Variants in ADAMTS20 observed in about 807,000 individuals in gnomAD.
ADAMTS20 encodes the protein ADAM metallopeptidase with thrombospondin type 1 motif 20.
A neutral mutation model predicts 260.1 loss-of-function variants in ADAMTS20; 225 were observed. The observed-to-expected ratio is 0.87, with a 90% CI of 0.78 to 0.97. The LOEUF is 0.97. Among genes scored for constraint, ADAMTS20 ranks in the 50% least tolerant of loss-of-function variants. The probability of loss-of-function intolerance (pLI) is 0.00; values close to 1 mark genes in which losing one functional copy is unlikely to be tolerated. For synonymous variants in ADAMTS20, 802 were observed against 769.5 expected (o/e 1.04, Z -0.70); for missense variants, 2,400 against 2,337.7 (o/e 1.03, Z -0.55).
rs1172382872 is a variant in ADAMTS20 at position 43,551,863 on chromosome 12, C to T, written c.59G>A (p.Arg20Lys). 6.2e-7 allele frequency: 1 copy of T among 1,613,632 alleles called. No individual in the cohort carries two copies. Among genetic ancestry groups the T allele is most frequent in the East Asian group, 2.2e-5 (1 of 44,864 alleles). Residue 20 changes from arginine (R) to lysine (K), a missense_variant, in exon 1 of 39, where the codon AGG (arginine) becomes AAG (lysine). Coordinates refer to ENST00000389420, the MANE Select transcript of ADAMTS20 (RefSeq NM_025003.5). This position sits in a 1 kb window ranked among gnomAD's most constrained non-coding sequence, Gnocchi z 4.6. ...GGGGTGGAAGTCAACTTCCCAAGAC[C>T]TGGTGATGAAGAGCGAGAGATGGTA... ...LLYHLSLFIT[R>K]SWEVDFHPRQ...
intron 15 of ADAMTS20, among the ~76,000 whole-genome samples, chr12:43,444,191 A>ACC (rs1428893385): frequency 1.3e-5 from 2 of 152,156 alleles, no homozygotes; most frequent in African/African-American, 4.8e-5. Context: ...CCCTTAGTAC[A>ACC]CATACCCATT....
chr12:43,369,293 T>A lies in ADAMTS20; in HGVS notation c.5535A>T (p.Pro1845=). The A allele has an allele frequency of 6.6e-7, 1 of 1,508,502 alleles. No homozygotes were observed. Among genetic ancestry groups the A allele is most frequent in the South Asian group, 1.4e-5 (1 of 72,208 alleles). The allele number at this position is 1,508,502 out of a possible 1,614,324, so 93.4% of individuals were successfully genotyped here. A position where few individuals can be genotyped will look rare whatever the true frequency, so the allele number is the denominator to read the frequency against. ...AGDCYSAFRC[P]QGQFSINLSG... ...TAATCAAACAAATATGAAATACCTG[T>A]GGGCATCTGAAAGCACTGTAGCAAT... is the stretch of plus-strand genomic sequence containing the variant. The change falls in exon 37 of 39, where the codon CCA becomes CCT. Residue 1845 remains proline (P), a synonymous_variant. Transcript: ENST00000389420.
rs141879117 is a variant in ADAMTS20, at chr12:43,453,922, C to A, written c.1745G>T (p.Arg582Leu). The change falls in exon 12 of 39, where the codon CGC becomes CTC. Residue 582 changes from arginine to leucine, a missense_variant. Physicochemically the swap from Arg to Leu is moderately radical, Grantham distance 102 (BLOSUM62 -2). Transcript: ENST00000389420. ...CGGGIESATR[R>L]CNRPEPRNGG... is the part of the protein sequence containing the mutation. ...AAAGACATACTCAGGACGATTACAGCGCCTGGTTGCACTTTCGATTCCGCC... is the reference window on the plus strand; with the variant it reads ...AAAGACATACTCAGGACGATTACAGAGCCTGGTTGCACTTTCGATTCCGCC... 3 of 1,605,538 alleles carry A rather than the reference C, an allele frequency of 1.9e-6. No individual in the cohort carries two copies. Among genetic ancestry groups the A allele is most frequent in the Non-Finnish European group, 2.6e-6 (3 of 1,175,334 alleles).
rs1379072059 is a variant in ADAMTS20 at position 43,552,012 on chromosome 12, T to C, written c.-91A>G. 1 of 1,076,258 alleles carries C rather than the reference T, an allele frequency of 9.3e-7. No individual in the cohort carries two copies. The highest frequency in any genetic ancestry group is 2.5e-5 in the East Asian group (1 of 39,400). The allele number at this position is 1,076,258 out of a possible 1,614,324, so 66.7% of individuals were successfully genotyped here. The stretch of plus-strand genomic sequence containing the variant: ...CTCGCGCTCCGATCCCTCTCCTCCC[T>C]CTCGCCCGCCGCTCTCCGCGCCTCA... On this transcript the variant is annotated 5_prime_UTR_variant, in exon 1 of 39. Transcript: ENST00000389420.
intron 29 of ADAMTS20, 62 bp downstream of exon 29, chr12:43,399,004 A>C: frequency 9.0e-7 from 1 of 1,105,724 alleles, no homozygotes; most frequent in Non-Finnish European, 1.2e-6. Context: ...GAAAAATAAG[A>C]ATGAATTTTC....
intron 36 of ADAMTS20, among the ~76,000 whole-genome samples, chr12:43,371,031 T>C (rs1397283600): frequency 1.3e-5 from 2 of 152,198 alleles, no homozygotes; most frequent in African/African-American, 4.8e-5. Context: ...ATGGTTCCTA[T>C]AACTTGCAAG....
intron 29 of ADAMTS20, among the ~76,000 whole-genome samples, chr12:43,394,076 G>T (rs1592045708): frequency 6.6e-6 from 1 of 152,022 alleles, no homozygotes; most frequent in Non-Finnish European, 1.5e-5. Flanking sequence ...TGGAACTGTG[G>T]CAGCCATTTT....
At chr12:43,416,147 C>T (rs923919131) in intron 28 of ADAMTS20, among the ~76,000 whole-genome samples, 2 of 152,186 alleles carry the variant, frequency 1.3e-5, no homozygotes, top group South Asian at 2.1e-4. Context: ...TTCTACTCTA[C>T]CTACAGACAC....
chr12:43,507,260 G>T (rs2137456958), intron 3 of ADAMTS20, among the ~76,000 whole-genome samples: 2 of 152,242 alleles, frequency 1.3e-5, no homozygotes, highest in Middle Eastern at 3.4e-3. Context: ...AATAAAGCTG[G>T]GGTGGGGGAA....
At chr12:43,432,026 T>G (rs1443140421) in intron 21 of ADAMTS20, among the ~76,000 whole-genome samples, 1 of 151,980 alleles carries the variant, frequency 6.6e-6, no homozygotes, top group African/African-American at 2.4e-5. Context: ...CACAGGTGTG[T>G]GTCACCACAT....
chr12:43,435,687 A>AAT (rs1223234928), intron 18 of ADAMTS20, among the ~76,000 whole-genome samples: 1 of 149,992 alleles, frequency 6.7e-6, no homozygotes, highest in Non-Finnish European at 1.5e-5. Flanking sequence ...ATAAAATAAA[A>AAT]AAAGTCTATA....
chr12:43,450,372 A>T (rs1941842809), intron 14 of ADAMTS20, among the ~76,000 whole-genome samples: 1 of 152,170 alleles, frequency 6.6e-6, no homozygotes. Flanking sequence ...TTTTTTATAC[A>T]CAAGGCAGAT....
At chr12:43,393,238 T>C (rs1940631831) in intron 29 of ADAMTS20, among the ~76,000 whole-genome samples, 3 of 152,078 alleles carry the variant, frequency 2.0e-5, no homozygotes, top group African/African-American at 7.2e-5. Flanking sequence ...AACAGTGTTA[T>C]AGAACTAATA....
chr12:43,525,469 A>G (rs1943128595), intron 3 of ADAMTS20, among the ~76,000 whole-genome samples: 1 of 152,196 alleles, frequency 6.6e-6, no homozygotes, highest in African/African-American at 2.4e-5. Flanking sequence ...TACACAACGA[A>G]AAAAGTATCT....
At position 43,452,309 on chromosome 12, in the gene ADAMTS20, C is replaced by T. The variant is rs760895727; in HGVS notation, c.2044G>A (p.Glu682Lys). The T allele has an allele frequency of 7.4e-6, 12 of 1,612,724 alleles. No individual in the cohort carries two copies. In the Admixed American group the frequency reaches 2.0e-4, roughly 27 times the overall value. ...MVEDGTPCGT[E>K]THDICVQGQC... The stretch of plus-strand genomic sequence containing the variant: ...CCTTGAACACAGATGTCATGAGTTT[C>T]AGTTCCACAAGGAGTACCATCTTCA... Residue 682 changes from glutamate (E) to lysine (K), a missense_variant, in exon 14 of 39, where the codon GAA (glutamate) becomes AAA (lysine). Physicochemically the swap from Glu to Lys is moderately conservative, Grantham distance 56 (BLOSUM62 1). Coordinates refer to ENST00000389420, the MANE Select transcript of ADAMTS20 (RefSeq NM_025003.5).
chr12:43,436,972 G>A (rs1323079631), intron 18 of ADAMTS20, among the ~76,000 whole-genome samples: 1 of 152,138 alleles, frequency 6.6e-6, no homozygotes, highest in Non-Finnish European at 1.5e-5. Flanking sequence ...GAAACTTCTA[G>A]TTAACTTGTC....
chr12:43,532,017 G>T lies in ADAMTS20; in HGVS notation c.613+19C>A. The T allele has an allele frequency of 1.4e-6, 2 of 1,462,966 alleles. No homozygotes were observed. The highest frequency in any genetic ancestry group is 1.8e-6 in the Non-Finnish European group (2 of 1,099,856). The allele number at this position is 1,462,966 out of a possible 1,614,324, so 90.6% of individuals were successfully genotyped here. A position where few individuals can be genotyped will look rare whatever the true frequency, so the allele number is the denominator to read the frequency against. On this transcript the variant is annotated intron_variant, in intron 3 of 38. Transcript: ENST00000389420. Reference sequence around the variant, plus strand: ...TAGTATCACTATTTAGCTGAAAAGAGTTCTATTTCACAGTTTACCTGACAC... The same window carrying T: ...TAGTATCACTATTTAGCTGAAAAGATTTCTATTTCACAGTTTACCTGACAC...
chr12:43,428,175 T>C, intron 26 of ADAMTS20, 66 bp downstream of exon 26: 3 of 1,495,200 alleles, frequency 2.0e-6, no homozygotes, highest in Admixed American at 3.5e-5. Context: ...ATCATATACA[T>C]ACCTGTTAAA....
At chr12:43,463,370 G>C (rs967373588) in intron 10 of ADAMTS20, among the ~76,000 whole-genome samples, 1 of 152,012 alleles carries the variant, frequency 6.6e-6, no homozygotes, top group Admixed American at 6.6e-5. Flanking sequence ...TGATACAATA[G>C]TGGAATGTAT....
Sources: gnomAD v4.1 joint callset for allele counts (sites outside exome capture counted in the v4.1 genomes callset) on GRCh38, gnomAD v4.1.1 for gene constraint, Gnocchi (gnomAD v3.1) non-coding constraint, MANE v1.5 for transcripts, NCBI Gene and HGNC (gene_info 2026-07-23, HGNC 2026-07-21) for gene names.